CLNK: variants seen among roughly 807,000 people sequenced by gnomAD.
CLNK encodes the protein cytokine dependent hematopoietic cell linker, also known as cytokine-dependent hematopoietic cell linker.
CLNK carries 74 observed loss-of-function variants against 68.6 expected under a neutral mutation model. The ratio of observed to expected loss-of-function variants is 1.08; its 90% CI spans 0.89 to 1.31. CLNK has a LOEUF of 1.31. Ranked by LOEUF, CLNK falls within the 50% of genes most tolerant of loss-of-function variation. CLNK has a pLI of 0.00. For missense variants in CLNK, 553 were observed against 515.3 expected, an observed-to-expected ratio of 1.07 and a Z score of -0.71; for synonymous variants, 198 against 172.2, an observed-to-expected ratio of 1.15 and a Z score of -1.17.
chr4:10,607,384 ATCTC>A (rs1560239279), intron 2 of CLNK, among the ~76,000 whole-genome samples: 1 of 152,080 alleles, frequency 6.6e-6, no homozygotes, highest in Non-Finnish European at 1.5e-5. Context: ...CCATAGTACA[ATCTC>A]TCTCCTGATC....
chr4:10,527,237 G>T (rs985476411), intron 13 of CLNK, among the ~76,000 whole-genome samples: 5 of 152,184 alleles, frequency 3.3e-5, no homozygotes, highest in Admixed American at 3.3e-4. Flanking sequence ...TGTCGGAAAG[G>T]GCATGGTTTC....
At chr4:10,702,219 G>A in the CLNK span, among the ~76,000 whole-genome samples, 1 of 152,170 alleles carries the variant, frequency 6.6e-6, no homozygotes, top group Admixed American at 6.5e-5. Context: ...AGCAAGGAAG[G>A]AAACAAGCTG....
chr4:10,623,198 G>A (rs545427133), intron 2 of CLNK, among the ~76,000 whole-genome samples: 33 of 152,256 alleles, frequency 2.2e-4, no homozygotes, highest in Non-Finnish European at 4.0e-4. Context: ...TCATTGATCA[G>A]CTTCATGAAC....
intron 2 of CLNK, among the ~76,000 whole-genome samples, chr4:10,648,120 A>G (rs1198078371): frequency 6.6e-6 from 1 of 152,198 alleles, no homozygotes; most frequent in African/African-American, 2.4e-5. Flanking sequence ...CTATCTTTTT[A>G]CTGATATTCT....
At chr4:10,618,895 C>A (rs1002019122) in intron 2 of CLNK, among the ~76,000 whole-genome samples, 1 of 152,208 alleles carries the variant, frequency 6.6e-6, no homozygotes, top group Non-Finnish European at 1.5e-5. Context: ...CACCAGGCCC[C>A]ACTTCCAGCA....
intron 1 of CLNK, among the ~76,000 whole-genome samples, chr4:10,668,438 G>T (rs955796116): frequency 1.3e-5 from 2 of 152,144 alleles, no homozygotes; most frequent in South Asian, 4.1e-4. Context: ...GAGACCCTGG[G>T]AGTATTCAGT....
chr4:10,698,972 A>G, the CLNK span, among the ~76,000 whole-genome samples: 2 of 152,090 alleles, frequency 1.3e-5, no homozygotes, highest in Admixed American at 6.5e-5. Flanking sequence ...TCCAGCCTTC[A>G]GACTCAGACT....
At chr4:10,592,847 T>C (rs916578909) in intron 3 of CLNK, among the ~76,000 whole-genome samples, 1 of 152,126 alleles carries the variant, frequency 6.6e-6, no homozygotes, top group East Asian at 1.9e-4. Flanking sequence ...TGCCTCAGCC[T>C]CCCTTGTAGC....
At chr4:10,499,347 A>C (rs1297863337) in intron 18 of CLNK, among the ~76,000 whole-genome samples, 1 of 152,088 alleles carries the variant, frequency 6.6e-6, no homozygotes, top group African/African-American at 2.4e-5. Flanking sequence ...CAGAACTAAA[A>C]TTGCTTTGCT....
chr4:10,725,810 C>G, the CLNK span, among the ~76,000 whole-genome samples: 1 of 150,964 alleles, frequency 6.6e-6, no homozygotes, highest in Admixed American at 6.6e-5. Context: ...AGCCGAGATG[C>G]GCCACTGCAC....
At chr4:10,681,383 G>A (rs761237404) in intron 1 of CLNK, among the ~76,000 whole-genome samples, 1 of 152,194 alleles carries the variant, frequency 6.6e-6, no homozygotes, top group South Asian at 2.1e-4. Flanking sequence ...CCCTCTCAGA[G>A]TTTGGGCCTA....
chr4:10,698,093 G>A, the CLNK span, among the ~76,000 whole-genome samples: 1 of 152,166 alleles, frequency 6.6e-6, no homozygotes, highest in South Asian at 2.1e-4. Flanking sequence ...AGACCTTTAT[G>A]AGAGGTGAAC....
At chr4:10,604,247 T>G (rs1260693482) in intron 2 of CLNK, among the ~76,000 whole-genome samples, 3 of 152,202 alleles carry the variant, frequency 2.0e-5, no homozygotes, top group East Asian at 1.9e-4. Flanking sequence ...GGGCAATTGG[T>G]AATTGAGATA....
At chr4:10,702,304 T>C in the CLNK span, among the ~76,000 whole-genome samples, 1 of 151,144 alleles carries the variant, frequency 6.6e-6, no homozygotes, top group Admixed American at 6.6e-5. Flanking sequence ...AGCTGGGAAA[T>C]ATGCACAAAG....
intron 11 of CLNK, 80 bp downstream of exon 11, chr4:10,540,414 C>A (rs186426522): frequency 1.7e-5 from 18 of 1,053,822 alleles, no homozygotes; most frequent in East Asian, 9.5e-5. Flanking sequence ...CTGAAAGGTA[C>A]TTTGTTTGGT....
the CLNK span, among the ~76,000 whole-genome samples, chr4:10,708,380 C>T: frequency 2.2e-3 from 340 of 152,180 alleles, 2 homozygotes; most frequent in African/African-American, 7.8e-3. Flanking sequence ...TTGTGGTGAA[C>T]ACTATTTTTT....
Position 10,532,296 on chromosome 4 carries a change from G to C in CLNK, c.603-13C>G. On this transcript the variant is annotated splice_polypyrimidine_tract_variant and intron_variant, in intron 11 of 18. Transcript: ENST00000226951. The stretch of plus-strand genomic sequence containing the variant: ...TAAGCTTATCTGACTGCAAGAAAAA[G>C]AAATACGGTGTTACATAAAACACAG... 5 of 1,603,886 alleles carry C rather than the reference G, an allele frequency of 3.1e-6. No homozygotes were observed. The highest frequency in any genetic ancestry group is 4.3e-6 in the Non-Finnish European group (5 of 1,172,260).
At chr4:10,605,012 C>T (rs1365954465) in intron 2 of CLNK, among the ~76,000 whole-genome samples, 1 of 152,188 alleles carries the variant, frequency 6.6e-6, no homozygotes, top group Non-Finnish European at 1.5e-5. Flanking sequence ...GCCTTAATAA[C>T]AAAGACTAGG....
chr4:10,544,055 AGCTCCC>A (rs1719133589), intron 8 of CLNK, among the ~76,000 whole-genome samples: 3 of 152,158 alleles, frequency 2.0e-5, no homozygotes, highest in African/African-American at 7.2e-5. Flanking sequence ...TCACCTCCAG[AGCTCCC>A]TGGTGGACCA....
Sources: gnomAD v4.1 joint callset for allele counts (sites outside exome capture counted in the v4.1 genomes callset) on GRCh38, gnomAD v4.1.1 for gene constraint, MANE v1.5 for transcripts, NCBI Gene and HGNC (gene_info 2026-07-23, HGNC 2026-07-21) for gene names.